Variants in USP3 observed in about 807,000 individuals in gnomAD.
The protein encoded by USP3 is ubiquitin specific peptidase 3.
A neutral mutation model predicts 72.3 loss-of-function variants in USP3; 20 were observed. The ratio of observed to expected loss-of-function variants is 0.28; its 90% CI spans 0.19 to 0.40. The LOEUF (loss-of-function observed/expected upper bound fraction) is 0.40, where lower values mean the gene tolerates loss of function less well. Ranked by LOEUF, USP3 falls within the 10% of genes least tolerant of loss-of-function variation. The pLI is 1.00. For missense variants in USP3, 479 were observed against 633.9 expected (o/e 0.76, Z 2.62); for synonymous variants, 222 against 225.3 (o/e 0.99, Z 0.13).
At chr15:63,531,832 A>C (rs1283466808) in intron 1 of USP3, among the ~76,000 whole-genome samples, 1 of 152,152 alleles carries the variant, frequency 6.6e-6, no homozygotes, top group African/African-American at 2.4e-5. Context: ...TGTATTAGGA[A>C]GTCACCTGGG....
At position 63,574,423 on chromosome 15, in the gene USP3, C is replaced by G; in HGVS notation, c.1096+20C>G. The stretch of plus-strand genomic sequence containing the variant: ...TACGAGGTAAAGATACTTGAATGTT[C>G]TAAAAATTTTTTTCTTTAAATAATT... On this transcript the variant is annotated intron_variant, in intron 11 of 14. Coordinates refer to ENST00000380324, the MANE Select transcript of USP3 (RefSeq NM_006537.4). This position sits in a 1 kb window ranked among gnomAD's most constrained non-coding sequence, Gnocchi z 4.6. 1.3e-6 allele frequency: 2 copies of G among 1,577,202 alleles called. No individual in the cohort carries two copies. Among genetic ancestry groups the G allele is most frequent in the African/African-American group, 2.8e-5 (2 of 72,614 alleles).
chr15:63,505,305 C>T (rs2065696950), intron 1 of USP3, among the ~76,000 whole-genome samples: 1 of 152,128 alleles, frequency 6.6e-6, no homozygotes, highest in African/African-American at 2.4e-5. Context: ...TTTGTCTGGG[C>T]TGCGGGGCGC....
chr15:63,553,785 C>G lies in USP3; in HGVS notation c.355C>G (p.Gln119Glu), dbSNP rs2066468195. ...GGTACAGAAAGTCAGAGAACACTTA[C>G]AGAACTTGGAAAAGTAAGTAATAGG... ...GLVQKVREHLQNLENSAFTAD... is the reference protein window; with the variant it reads ...GLVQKVREHLENLENSAFTAD... Residue 119 changes from glutamine to glutamate, a missense_variant, in exon 4 of 15, where the codon CAG becomes GAG. Physicochemically the swap from Gln to Glu is conservative, Grantham distance 29. Coordinates refer to ENST00000380324, the MANE Select transcript of USP3 (RefSeq NM_006537.4). The surrounding 1 kb of genome is among the most constrained non-coding windows in gnomAD (Gnocchi z 4.2). 1.2e-6 allele frequency: 2 copies of G among 1,612,142 alleles called. No individual in the cohort carries two copies. The highest frequency in any genetic ancestry group is 2.2e-5 in the South Asian group (2 of 90,892).
intron 3 of USP3, among the ~76,000 whole-genome samples, chr15:63,540,798 A>C (rs922684350): frequency 6.6e-6 from 1 of 152,230 alleles, no homozygotes; most frequent in Non-Finnish European, 1.5e-5. Context: ...TAAGGAGATA[A>C]GCACATTAAC....
chr15:63,552,669 A>G (rs539550952), intron 3 of USP3, among the ~76,000 whole-genome samples: 30 of 152,322 alleles, frequency 2.0e-4, no homozygotes, highest in African/African-American at 7.0e-4. Context: ...TTCTCTGAAT[A>G]AAAGACACAA....
chr15:63,552,657 A>G (rs1219411685), intron 3 of USP3, among the ~76,000 whole-genome samples: 1 of 152,146 alleles, frequency 6.6e-6, no homozygotes, highest in Non-Finnish European at 1.5e-5. Context: ...TAAAATTTTC[A>G]TTTCTCTGAA....
At chr15:63,540,134 T>A (rs148825196) in intron 3 of USP3, among the ~76,000 whole-genome samples, 1 of 152,364 alleles carries the variant, frequency 6.6e-6, no homozygotes, top group African/African-American at 2.4e-5. Flanking sequence ...AAAGCCTTTT[T>A]TGCAGTGTGC....
chr15:63,537,977 C>T (rs1304316058), intron 3 of USP3, among the ~76,000 whole-genome samples: 1 of 151,310 alleles, frequency 6.6e-6, no homozygotes, highest in African/African-American at 2.4e-5. Flanking sequence ...TGAGCCACCG[C>T]TTCCAGTGCT....
chr15:63,593,724 T>G lies in USP3; in HGVS notation c.*2898T>G, dbSNP rs777596112. On this transcript the variant is annotated 3_prime_UTR_variant, in exon 15 of 15. Coordinates refer to ENST00000380324, the MANE Select transcript of USP3 (RefSeq NM_006537.4). ...TAAATGTGCTTATTTGTGTTTTCAT[T>G]TTTAACTGTGCAGCCTTACCACACC... The G allele has an allele frequency of 6.6e-6, 1 of 152,278 alleles. No individual in the cohort carries two copies. Among genetic ancestry groups the G allele is most frequent in the Non-Finnish European group, 1.5e-5 (1 of 68,060 alleles). 9.4% of individuals were successfully genotyped at this position (152,278 alleles called of 1,614,324 possible).
At chr15:63,536,641 G>A (rs946778372) in intron 2 of USP3, among the ~76,000 whole-genome samples, 3 of 151,758 alleles carry the variant, frequency 2.0e-5, no homozygotes, top group Non-Finnish European at 2.9e-5. Context: ...GAGGTCAGGA[G>A]ATCAAGACCA....
chr15:63,558,736 G>C (rs149919387), intron 6 of USP3, among the ~76,000 whole-genome samples: 79 of 152,106 alleles, frequency 5.2e-4, no homozygotes, highest in Admixed American at 8.5e-4. Context: ...TTAGCTGGGC[G>C]TGGTGGCATG....
intron 4 of USP3, chr15:63,556,429 G>A (rs2066509670): frequency 5.6e-6 from 2 of 357,746 alleles, no homozygotes; most frequent in South Asian, 7.0e-5. Context: ...GCATCTTCCC[G>A]GCCAGCTTTG....
rs61283920 is a variant in USP3 at position 63,511,266 on chromosome 15, T to TAAAAAAAAAAA, written c.91+6442_91+6452dup. ...TTCAGACTTTTAGCTTGCTTTTTCTTAAAAAAAAAAAAAAAAGAGTCTTTA... is the reference window on the plus strand; with the variant it reads ...TTCAGACTTTTAGCTTGCTTTTTCTTAAAAAAAAAAAAAAAAAAAAAAAAAAAGAGTCTTTA... On this transcript the variant is annotated intron_variant, in intron 1 of 14. Coordinates refer to ENST00000380324, the MANE Select transcript of USP3 (RefSeq NM_006537.4). 4.9e-4 allele frequency among the ~76,000 whole-genome samples: 21 copies of TAAAAAAAAAAA among 42,860 alleles called. 4 individuals carry two copies. Among genetic ancestry groups the TAAAAAAAAAAA allele is most frequent in the Admixed American group, 1.7e-3 (4 of 2,314 alleles). The allele number at this position is 42,860 out of a possible 152,430, so 28.1% of individuals were successfully genotyped here.
chr15:63,584,763 G>A (rs145558045), intron 11 of USP3, among the ~76,000 whole-genome samples: 1 of 151,938 alleles, frequency 6.6e-6, no homozygotes, highest in South Asian at 2.1e-4. Flanking sequence ...TTTTAATTTT[G>A]ATAAAGTTCA....
At chr15:63,571,074 T>C (rs1040185123) in intron 9 of USP3, among the ~76,000 whole-genome samples, 25 of 152,332 alleles carry the variant, frequency 1.6e-4, no homozygotes, top group African/African-American at 5.8e-4. Context: ...TGCCTCTCAA[T>C]ATGAATAAAA....
At chr15:63,547,739 AGAGAGGGAGGGAGG>A (rs2066354295) in intron 3 of USP3, among the ~76,000 whole-genome samples, 2 of 21,398 alleles carry the variant, frequency 9.3e-5, no homozygotes, top group African/African-American at 4.6e-4. Flanking sequence ...AGAGAGAGAG[AGAGAGGGAGGGAGG>A]GAGGGAGGGA....
chr15:63,545,306 T>C (rs921642971), intron 3 of USP3, among the ~76,000 whole-genome samples: 1 of 152,196 alleles, frequency 6.6e-6, no homozygotes, highest in Non-Finnish European at 1.5e-5. Context: ...GTTGTATATA[T>C]CCTGTCTAAC....
chr15:63,583,317 TA>T (rs199948151), intron 11 of USP3, among the ~76,000 whole-genome samples: 3 of 151,786 alleles, frequency 2.0e-5, no homozygotes, highest in African/African-American at 4.8e-5. Flanking sequence ...CATTGTCAAT[TA>T]AAAAAAATGA....
At position 63,553,164 on chromosome 15, in the gene USP3, G is replaced by A. The variant is rs1595741683; in HGVS notation, c.285-551G>A. On this transcript the variant is annotated intron_variant, in intron 3 of 14. Coordinates refer to ENST00000380324, the MANE Select transcript of USP3 (RefSeq NM_006537.4). This position sits in a 1 kb window ranked among gnomAD's most constrained non-coding sequence, Gnocchi z 4.2. ...TACTTTTGTTTTGTAGTGCCTCAGA[G>A]TGAAAGAGCATTCTTCTCAGCTCAT... 1.3e-5 allele frequency among the ~76,000 whole-genome samples: 2 copies of A among 152,328 alleles called. No homozygotes were observed. The highest frequency in any genetic ancestry group is 2.4e-5 in the African/African-American group (1 of 41,582).
Sources: allele counts gnomAD v4.1 joint callset (sites outside exome capture counted in the v4.1 genomes callset), GRCh38; gene constraint gnomAD v4.1.1; non-coding constraint Gnocchi (gnomAD v3.1); transcripts MANE v1.5; gene names NCBI Gene and HGNC (gene_info 2026-07-23, HGNC 2026-07-21).